The following NEK11 variants were observed in gnomAD, a reference collection of about 807,000 sequenced individuals.
NEK11 encodes NIMA related kinase 11.
NEK11 carries 72 observed loss-of-function variants against 80.7 expected under a neutral mutation model. That is an observed-to-expected ratio of 0.89 (90% CI 0.74 to 1.08). The LOEUF is 1.08. Among genes scored for constraint, NEK11 ranks in the 50% least tolerant of loss-of-function variants. The pLI, the probability that NEK11 is intolerant of heterozygous loss-of-function variation, is 0.00. For synonymous variants in NEK11, 251 were observed against 260.7 expected, an observed-to-expected ratio of 0.96 and a Z score of 0.36; for missense variants, 764 against 763.6, an observed-to-expected ratio of 1.00 and a Z score of -0.01.
intron 17 of NEK11, among the ~76,000 whole-genome samples, chr3:131,276,332 T>A (rs1561331660): frequency 1.3e-5 from 2 of 152,216 alleles, no homozygotes; most frequent in South Asian, 4.1e-4. Context: ...GGAAGCAGAC[T>A]GGTCAGGGAG....
chr3:131,045,011 C>T (rs1185091196), intron 3 of NEK11, among the ~76,000 whole-genome samples: 1 of 152,112 alleles, frequency 6.6e-6, no homozygotes, highest in Non-Finnish European at 1.5e-5. Flanking sequence ...ACAACCTGCT[C>T]CTGAATGACT....
intron 3 of NEK11, among the ~76,000 whole-genome samples, chr3:131,067,973 G>A (rs6790746): frequency 0.073 from 11,074 of 152,172 alleles, 1,176 homozygotes; most frequent in African/African-American, 0.23. Flanking sequence ...CCACTCTTGC[G>A]GCCTCTCTGA....
At chr3:131,242,972 T>C (rs1249387635) in intron 15 of NEK11, among the ~76,000 whole-genome samples, 1 of 152,136 alleles carries the variant, frequency 6.6e-6, no homozygotes, top group African/African-American at 2.4e-5. Context: ...TTGAAGACCA[T>C]ACATTTCCAA....
At chr3:131,312,384 G>A (rs1289670706) in intron 17 of NEK11, among the ~76,000 whole-genome samples, 1 of 152,188 alleles carries the variant, frequency 6.6e-6, no homozygotes, top group Non-Finnish European at 1.5e-5. Flanking sequence ...ATGGGGGAGT[G>A]AGGGTGGGAT....
intron 14 of NEK11, among the ~76,000 whole-genome samples, chr3:131,209,771 T>C (rs1189368557): frequency 2.6e-5 from 4 of 152,246 alleles, no homozygotes; most frequent in Non-Finnish European, 5.9e-5. Context: ...TTTATTTGCA[T>C]AGAGGTGTTT....
intron 12 of NEK11, among the ~76,000 whole-genome samples, chr3:131,167,589 G>A (rs555218145): frequency 6.6e-6 from 1 of 152,224 alleles, no homozygotes; most frequent in Non-Finnish European, 1.5e-5. Flanking sequence ...TATAAATCAA[G>A]GTCCTTTGGG....
chr3:131,064,499 A>G (rs770502206), intron 3 of NEK11, among the ~76,000 whole-genome samples: 12 of 152,100 alleles, frequency 7.9e-5, no homozygotes, highest in Non-Finnish European at 1.0e-4. Flanking sequence ...CCTCATTTTA[A>G]CTTAATCGAC....
chr3:131,232,981 G>T (rs1436515854), intron 15 of NEK11, among the ~76,000 whole-genome samples: 1 of 16,084 alleles, frequency 6.2e-5, no homozygotes, highest in Non-Finnish European at 1.3e-4. Flanking sequence ...TATTTGAGGG[G>T]AAGGAAGGAA....
chr3:131,201,751 C>G (rs2094238749), intron 14 of NEK11, among the ~76,000 whole-genome samples: 1 of 152,012 alleles, frequency 6.6e-6, no homozygotes, highest in Non-Finnish European at 1.5e-5. Flanking sequence ...TGGCAGGCAT[C>G]CTGTATAACT....
intron 3 of NEK11, among the ~76,000 whole-genome samples, chr3:131,059,245 G>A (rs768058655): frequency 5.3e-4 from 80 of 152,112 alleles, no homozygotes; most frequent in Non-Finnish European, 8.5e-4. Context: ...GAAAGAAATT[G>A]TATATGGTAA....
chr3:131,285,675 ATTC>A (rs1310180242), intron 17 of NEK11, among the ~76,000 whole-genome samples: 1 of 152,208 alleles, frequency 6.6e-6, no homozygotes, highest in African/African-American at 2.4e-5. Flanking sequence ...CACCTGAGTC[ATTC>A]TTCTGCTTCT....
intron 14 of NEK11, among the ~76,000 whole-genome samples, chr3:131,171,227 G>C (rs1183151019): frequency 6.6e-6 from 1 of 152,174 alleles, no homozygotes; most frequent in East Asian, 1.9e-4. Context: ...TTCTGTAAAT[G>C]GTTCTTCCAG....
intron 17 of NEK11, among the ~76,000 whole-genome samples, chr3:131,320,566 T>G (rs763710900): frequency 6.6e-6 from 1 of 151,566 alleles, no homozygotes; most frequent in African/African-American, 2.4e-5. Flanking sequence ...AGCCTGAAAT[T>G]GATGGTAACT....
intron 7 of NEK11, among the ~76,000 whole-genome samples, 181 bp from the exon 8 acceptor site, chr3:131,152,207 T>A (rs1234863942): frequency 6.6e-6 from 1 of 152,114 alleles, no homozygotes; most frequent in African/African-American, 2.4e-5. Context: ...TTTTGGTTTT[T>A]TTTTTGGTAA....
chr3:131,029,566 T>C, intron 2 of NEK11, 47 bp from the exon 3 acceptor site: 1 of 713,600 alleles, frequency 1.4e-6, no homozygotes, highest in Non-Finnish European at 2.3e-6. Context: ...TTGTTAGACA[T>C]CGTTTAGCAA....
chr3:131,207,633 T>C (rs1369407699), intron 14 of NEK11, among the ~76,000 whole-genome samples: 1 of 151,984 alleles, frequency 6.6e-6, no homozygotes, highest in African/African-American at 2.4e-5. Flanking sequence ...ACCTGTTGTT[T>C]CCTGACTTTT....
At chr3:131,090,607 A>G (rs2076583676) in intron 4 of NEK11, among the ~76,000 whole-genome samples, 1 of 152,240 alleles carries the variant, frequency 6.6e-6, no homozygotes, top group Non-Finnish European at 1.5e-5. Context: ...CTTTAAAGAC[A>G]GCTTAGAGAA....
intron 7 of NEK11, among the ~76,000 whole-genome samples, chr3:131,135,218 G>A (rs1307340685): frequency 1.3e-5 from 2 of 152,126 alleles, no homozygotes; most frequent in Non-Finnish European, 2.9e-5. Flanking sequence ...GTCTGGGTAT[G>A]GCAATTCCCC....
At chr3:131,027,277 AT>A (rs1468464594) in intron 1 of NEK11, 3 of 152,018 alleles carry the variant, frequency 2.0e-5, no homozygotes, top group African/African-American at 7.2e-5. Context: ...TTAAAGGTAG[AT>A]TTGTGCTGTA....
Sources: allele counts gnomAD v4.1 joint callset (sites outside exome capture counted in the v4.1 genomes callset), GRCh38; gene constraint gnomAD v4.1.1; transcripts MANE v1.5; gene names NCBI Gene and HGNC (gene_info 2026-07-23, HGNC 2026-07-21).